The following PSMA1 variants were observed in gnomAD, a reference collection of about 807,000 sequenced individuals.
The protein encoded by PSMA1 is proteasome 20S subunit alpha 1, also known as proteasome subunit alpha type-1.
In PSMA1, 3 loss-of-function variants were observed where a neutral mutation model predicts 38.4. The ratio of observed to expected loss-of-function variants is 0.08; its 90% confidence interval spans 0.04 to 0.20. The LOEUF (loss-of-function observed/expected upper bound fraction) is 0.20, where lower values mean the gene tolerates loss of function less well. Among genes scored for constraint, PSMA1 ranks in the 10% least tolerant of loss-of-function variants. The pLI, the probability that PSMA1 is intolerant of heterozygous loss-of-function variation, is 1.00. For missense variants in PSMA1, 227 were observed against 325.3 expected (o/e 0.70, Z 2.32); for synonymous variants, 101 against 107.1 (o/e 0.94, Z 0.35).
At chr11:14,581,927 C>A (rs1852286022) in intron 2 of PSMA1, among the ~76,000 whole-genome samples, 1 of 152,174 alleles carries the variant, frequency 6.6e-6, no homozygotes, top group Non-Finnish European at 1.5e-5. Context: ...TTAATAACCC[C>A]AGTAGAAGGT....
chr11:14,613,998 T>C (rs1026957712), intron 1 of PSMA1, among the ~76,000 whole-genome samples: 1 of 152,200 alleles, frequency 6.6e-6, no homozygotes, highest in Non-Finnish European at 1.5e-5. Context: ...GAACTTACTA[T>C]GAGAAAAGAA....
In PSMA1 at chr11:14,513,822, A is replaced by T. The variant is rs370387385; in HGVS notation, c.409T>A (p.Tyr137Asn). The change falls in exon 6 of 10, where the codon TAT (tyrosine) becomes AAT (asparagine). Residue 137 changes from tyrosine to asparagine, a missense_variant. Coordinates refer to ENST00000396394, the MANE Select transcript of PSMA1 (RefSeq NM_002786.4). ...ACAATATTCAATGAACTTACATCAT[A>T]ACCAGCAATAAGGAGACCAACACCA... ...PYGVGLLIAG[Y>N]DDMGPHIFQT... The T allele has an allele frequency of 2.5e-6, 4 of 1,589,344 alleles. No homozygotes were observed. The highest frequency in any genetic ancestry group is 3.4e-6 in the Non-Finnish European group (4 of 1,172,494).
chr11:14,626,032 A>T (rs917338712), intron 1 of PSMA1, among the ~76,000 whole-genome samples: 15 of 152,188 alleles, frequency 9.9e-5, no homozygotes, highest in African/African-American at 3.6e-4. Context: ...TTTTCTGCAA[A>T]TGCCAATTCA....
chr11:14,541,404 A>G (rs1019498349), intron 2 of PSMA1, among the ~76,000 whole-genome samples: 1 of 152,218 alleles, frequency 6.6e-6, no homozygotes, highest in African/African-American at 2.4e-5. Flanking sequence ...TGTACAGAAC[A>G]TATTCGTCTT....
At chr11:14,617,258 G>C (rs1852785608) in intron 1 of PSMA1, among the ~76,000 whole-genome samples, 1 of 152,116 alleles carries the variant, frequency 6.6e-6, no homozygotes, top group African/African-American at 2.4e-5. Flanking sequence ...CATCTGGAAG[G>C]AAACACCAAA....
chr11:14,640,623 C>T (rs907678666), intron 1 of PSMA1, among the ~76,000 whole-genome samples: 25 of 151,976 alleles, frequency 1.6e-4, no homozygotes, highest in Non-Finnish European at 2.4e-4. Context: ...TGAGTATTAG[C>T]TGGAAGGAAC....
chr11:14,509,641 T>G (rs1316368926), intron 8 of PSMA1, among the ~76,000 whole-genome samples: 2 of 151,200 alleles, frequency 1.3e-5, no homozygotes, highest in Non-Finnish European at 2.9e-5. Flanking sequence ...TCTCAAGTGA[T>G]CCACTCACCT....
At position 14,505,172 on chromosome 11, in the gene PSMA1, T is replaced by G; in HGVS notation, c.*20A>C. 6.3e-7 allele frequency: 1 copy of G among 1,592,516 alleles called. No individual in the cohort carries two copies. The highest frequency in any genetic ancestry group is 1.1e-5 in the South Asian group (1 of 90,640). On this transcript the variant is annotated 3_prime_UTR_variant, in exon 10 of 10. Transcript: ENST00000396394. ...GTATTCTTACATATTTGATAATACA[T>G]ATATAGACTGGCTTATCACTTAATG...
At chr11:14,616,761 G>A (rs1278290257) in intron 1 of PSMA1, among the ~76,000 whole-genome samples, 1 of 152,150 alleles carries the variant, frequency 6.6e-6, no homozygotes, top group Non-Finnish European at 1.5e-5. Context: ...TGTAGGTGGA[G>A]AAATTGAAGC....
intron 2 of PSMA1, among the ~76,000 whole-genome samples, chr11:14,537,615 T>C (rs1419061947): frequency 3.3e-5 from 5 of 150,428 alleles, no homozygotes; most frequent in Non-Finnish European, 5.9e-5. Flanking sequence ...CCTAATGTGA[T>C]TAATTATAAA....
intron 1 of PSMA1, among the ~76,000 whole-genome samples, chr11:14,625,515 C>G (rs1852899784): frequency 6.6e-6 from 1 of 152,218 alleles, no homozygotes; most frequent in South Asian, 2.1e-4. Flanking sequence ...GACCATTACT[C>G]TTCTGGATCC....
chr11:14,617,932 C>G (rs1319733169), intron 1 of PSMA1, among the ~76,000 whole-genome samples: 1 of 152,086 alleles, frequency 6.6e-6, no homozygotes, highest in African/African-American at 2.4e-5. Flanking sequence ...TTTTGAAAAT[C>G]TATTTTGCAA....
chr11:14,631,164 C>T (rs1266894751), intron 1 of PSMA1, among the ~76,000 whole-genome samples: 5 of 152,072 alleles, frequency 3.3e-5, no homozygotes, highest in East Asian at 1.9e-4. Flanking sequence ...TCTCTATTTC[C>T]TTCAGTTCTG....
At chr11:14,533,568 CTT>C (rs1851671670) in intron 2 of PSMA1, among the ~76,000 whole-genome samples, 3 of 139,452 alleles carry the variant, frequency 2.2e-5, no homozygotes, top group Admixed American at 7.7e-5. Context: ...AAGTTTTTTT[CTT>C]TTTTCTTTTC....
chr11:14,530,230 C>T (rs558714896), intron 2 of PSMA1, among the ~76,000 whole-genome samples: 2 of 152,284 alleles, frequency 1.3e-5, no homozygotes, highest in South Asian at 4.1e-4. Context: ...AAAGCAATGT[C>T]CACTCACAGC....
chr11:14,631,203 G>T (rs973413378), intron 1 of PSMA1, among the ~76,000 whole-genome samples: 1 of 152,040 alleles, frequency 6.6e-6, no homozygotes, highest in East Asian at 1.9e-4. Context: ...CTTGCCTTCT[G>T]CTAGCTTTTG....
chr11:14,584,500 GTTTT>G (rs765040764), intron 2 of PSMA1, among the ~76,000 whole-genome samples: 2 of 133,666 alleles, frequency 1.5e-5, no homozygotes, highest in African/African-American at 3.0e-5. Context: ...TGTTTTTTTT[GTTTT>G]TTGTTTTTTT....
At chr11:14,602,457 T>G (rs565814038) in intron 2 of PSMA1, among the ~76,000 whole-genome samples, 2 of 152,092 alleles carry the variant, frequency 1.3e-5, no homozygotes, top group East Asian at 3.9e-4. Flanking sequence ...CTTTTAGACT[T>G]CCAGAGGTAT....
chr11:14,518,986 CATT>C lies in PSMA1; in HGVS notation c.48+8_48+10del, dbSNP rs760836554. On this transcript the variant is annotated splice_region_variant and intron_variant, in intron 2 of 9. Transcript: ENST00000396394. ...CCACTTCACAGAAAAGGTTTAAAAA[CATT>C]ATTTTACCTGGGGGCTCCAAACAGT... The C allele has an allele frequency of 1.9e-6, 3 of 1,570,348 alleles. No individual in the cohort carries two copies. Among genetic ancestry groups the C allele is most frequent in the Non-Finnish European group, 2.6e-6 (3 of 1,157,576 alleles).
Sources: allele counts gnomAD v4.1 joint callset (sites outside exome capture counted in the v4.1 genomes callset), GRCh38; gene constraint gnomAD v4.1.1; transcripts MANE v1.5; gene names NCBI Gene and HGNC (gene_info 2026-07-23, HGNC 2026-07-21).